The following SATB2 variants were observed in gnomAD, a reference collection of about 807,000 sequenced individuals.
SATB2 encodes the protein SATB homeobox 2.
SATB2 carries 1 observed loss-of-function variant against 73.4 expected under a neutral mutation model. That is an observed-to-expected ratio of 0.01 (90% confidence interval 0.00 to 0.06). The LOEUF (loss-of-function observed/expected upper bound fraction) is 0.06, where lower values mean the gene tolerates loss of function less well. Ranked by LOEUF, SATB2 falls within the 10% of genes least tolerant of loss-of-function variation. The probability of loss-of-function intolerance (pLI) is 1.00; values close to 1 mark genes in which losing one functional copy is unlikely to be tolerated. For synonymous variants in SATB2, 397 were observed against 367.0 expected, an observed-to-expected ratio of 1.08 and a Z score of -0.93; for missense variants, 459 against 945.8, an observed-to-expected ratio of 0.49 and a Z score of 6.75.
upstream of SATB2, among the ~76,000 whole-genome samples, chr2:199,459,000 G>C (rs1035067559): frequency 6.6e-5 from 10 of 152,110 alleles, no homozygotes; most frequent in Non-Finnish European, 1.0e-4. Context: ...ACAGGAATGG[G>C]GGTTGCGTGG....
intron 3 of SATB2, among the ~76,000 whole-genome samples, chr2:199,391,309 T>C (rs1027655007): frequency 1.3e-5 from 2 of 151,542 alleles, no homozygotes; most frequent in East Asian, 3.9e-4. Context: ...GGTGGGCGCC[T>C]GTAGTCCCAG....
intron 10 of SATB2, among the ~76,000 whole-genome samples, chr2:199,304,859 C>T (rs1433308301): frequency 6.6e-6 from 1 of 152,096 alleles, no homozygotes; most frequent in Non-Finnish European, 1.5e-5. Context: ...AAGGAAGAAC[C>T]GTCTCATTCT....
intron 9 of SATB2, among the ~76,000 whole-genome samples, chr2:199,320,639 G>A (rs1687859123): frequency 6.6e-6 from 1 of 152,006 alleles, no homozygotes; most frequent in African/African-American, 2.4e-5. Context: ...TCCCAGTAAT[G>A]GATTTTCACA....
chr2:199,397,933 C>A, intron 3 of SATB2: 2 of 224,890 alleles, frequency 8.9e-6, no homozygotes, highest in African/African-American at 2.4e-5. Flanking sequence ...TGCTATGGGA[C>A]AAAAGAATGT....
rs939828780 is a variant in SATB2 at position 199,455,845 on chromosome 2, C to T, written c.169+24G>A. 1.0e-5 allele frequency: 16 copies of T among 1,534,444 alleles called. 1 individual carries two copies. Among genetic ancestry groups the T allele is most frequent in the Middle Eastern group, 2.3e-4 (1 of 4,398 alleles). ...CATTATCACTGGGCCGCGGGCTGCG[C>T]GCCTCCCTGCTCCGGGCTGTTACCT... On this transcript the variant is annotated intron_variant, in intron 2 of 10. Transcript: ENST00000417098. The surrounding 1 kb of genome is among the most constrained non-coding windows in gnomAD (Gnocchi z 4.1).
chr2:199,381,954 A>G (rs921763922), intron 3 of SATB2, 134 bp from the exon 4 acceptor site: 3 of 976,922 alleles, frequency 3.1e-6, no homozygotes, highest in Non-Finnish European at 4.7e-6. Flanking sequence ...ACCCAGTGCA[A>G]TAAGCTATTT....
chr2:199,453,817 C>A (rs529361829), intron 2 of SATB2, among the ~76,000 whole-genome samples: 1 of 151,854 alleles, frequency 6.6e-6, no homozygotes, highest in African/African-American at 2.4e-5. Flanking sequence ...ATTATGCTGT[C>A]TTTTTTAAAA....
chr2:199,339,255 C>A (rs1266985464), intron 7 of SATB2, among the ~76,000 whole-genome samples: 3 of 152,072 alleles, frequency 2.0e-5, no homozygotes, highest in Non-Finnish European at 4.4e-5. Flanking sequence ...GCAAGGGGAA[C>A]TAAAGGGAAC....
chr2:199,449,786 C>T (rs889366017), intron 2 of SATB2, among the ~76,000 whole-genome samples: 1 of 152,046 alleles, frequency 6.6e-6, no homozygotes, highest in Non-Finnish European at 1.5e-5. Context: ...TTTAAAATAA[C>T]AGGAATTCAC....
rs576338529 is a variant in SATB2 at position 199,412,990 on chromosome 2, C to T, written c.346+20348G>A. ...CTTTTACAGTAAATAAATGCAAGTA[C>T]TGTTTAGTTGGTAACAGAAAACACC... On this transcript the variant is annotated intron_variant, in intron 3 of 10. Coordinates refer to ENST00000417098, the MANE Select transcript of SATB2 (RefSeq NM_001172509.2). Among the ~76,000 whole-genome samples, 16 of 152,244 alleles carry T rather than the reference C, an allele frequency of 1.1e-4. No individual in the cohort carries two copies. In the South Asian group the frequency reaches 3.3e-3, roughly 32 times the overall value.
chr2:199,384,872 G>C lies in SATB2; in HGVS notation c.347-3052C>G, dbSNP rs780875767. Among the ~76,000 whole-genome samples the C allele has an allele frequency of 5.9e-4, 89 of 152,090 alleles. 1 individual carries two copies. The highest frequency in any genetic ancestry group is 2.4e-4 in the Non-Finnish European group (16 of 68,000). On this transcript the variant is annotated intron_variant, in intron 3 of 10. Transcript: ENST00000417098. ...ATCTCAAAAATTTAGTCATTCTTTT[G>C]ACCTTTTTAATGTGTCTTAAAGAGA... is the stretch of plus-strand genomic sequence containing the variant.
intron 2 of SATB2, among the ~76,000 whole-genome samples, chr2:199,435,099 GAAC>G (rs1691613073): frequency 6.6e-6 from 1 of 152,128 alleles, no homozygotes; most frequent in Admixed American, 6.5e-5. Flanking sequence ...TCACTCCTGA[GAAC>G]AAGAAAGCAG....
At chr2:199,283,247 C>CTTTT (rs1231634253) in intron 10 of SATB2, among the ~76,000 whole-genome samples, 4 of 22,302 alleles carry the variant, frequency 1.8e-4, no homozygotes, top group African/African-American at 5.9e-4. Flanking sequence ...CCATGCCTAG[C>CTTTT]TATTTTTTTT....
chr2:199,311,054 T>C (rs752364343), intron 9 of SATB2, among the ~76,000 whole-genome samples: 4 of 152,202 alleles, frequency 2.6e-5, no homozygotes, highest in Admixed American at 6.5e-5. Flanking sequence ...TAGTGCTCAA[T>C]TTGCCCACTG....
rs1559161464 is a variant in SATB2 at position 199,323,854 on chromosome 2, C to T, written c.1491G>A (p.Arg497=). Residue 497 remains arginine (R), a synonymous_variant, in exon 9 of 11, where the codon AGG becomes AGA. Coordinates refer to ENST00000417098, the MANE Select transcript of SATB2 (RefSeq NM_001172509.2). ...CAAACAGGGCTTGAGACACCTTGGCCCTTTTCATCTCCTGTTGGATCTCGT... is the reference window on the plus strand; with the variant it reads ...CAAACAGGGCTTGAGACACCTTGGCTCTTTTCATCTCCTGTTGGATCTCGT... ...IYDEIQQEMK[R]AKVSQALFAK... is the part of the protein sequence containing the mutation. The T allele has an allele frequency of 1.9e-6, 3 of 1,613,426 alleles. No individual in the cohort carries two copies. Among genetic ancestry groups the T allele is most frequent in the South Asian group, 2.2e-5 (2 of 91,062 alleles).
intron 10 of SATB2, among the ~76,000 whole-genome samples, chr2:199,275,594 G>A (rs1028921922): frequency 2.0e-5 from 3 of 152,142 alleles, no homozygotes; most frequent in Non-Finnish European, 2.9e-5. Flanking sequence ...GTCTGATAAA[G>A]AAGGTTTCCA....
intron 5 of SATB2, 120 bp downstream of exon 5, chr2:199,380,244 G>T: frequency 1.6e-6 from 2 of 1,248,146 alleles, no homozygotes; most frequent in East Asian, 2.3e-5. Flanking sequence ...CACCTCAAAT[G>T]CAGTTTAAGT....
intron 2 of SATB2, among the ~76,000 whole-genome samples, chr2:199,444,732 G>A (rs13005579): frequency 1.3e-5 from 2 of 151,960 alleles, no homozygotes; most frequent in Admixed American, 6.6e-5. Context: ...GGGTGAACTC[G>A]AGTATCACCC....
chr2:199,454,433 C>T (rs1166549989), intron 2 of SATB2, among the ~76,000 whole-genome samples: 1 of 152,136 alleles, frequency 6.6e-6, no homozygotes, highest in Non-Finnish European at 1.5e-5. Context: ...TTCTTATATG[C>T]ATATACTAAC....
Sources: allele counts gnomAD v4.1 joint callset (sites outside exome capture counted in the v4.1 genomes callset), GRCh38; gene constraint gnomAD v4.1.1; non-coding constraint Gnocchi (gnomAD v3.1); transcripts MANE v1.5; gene names NCBI Gene and HGNC (gene_info 2026-07-23, HGNC 2026-07-21).